RAB2A: variants seen among roughly 807,000 people sequenced by gnomAD.
RAB2A encodes RAB2A, member RAS oncogene family.
Under a neutral mutation model 32.5 loss-of-function variants are expected in RAB2A, and 7 were observed. The observed-to-expected ratio is 0.22, with a 90% CI of 0.12 to 0.40. The LOEUF is 0.40. RAB2A is among the 10% of genes least tolerant of loss of function. RAB2A has a pLI of 1.00. For synonymous variants in RAB2A, 79 were observed against 85.2 expected, an observed-to-expected ratio of 0.93 and a Z score of 0.40; for missense variants, 108 against 260.7, an observed-to-expected ratio of 0.41 and a Z score of 4.03.
intron 3 of RAB2A, 167 bp from the exon 4 acceptor site, chr8:60,584,041 A>G: frequency 3.5e-6 from 2 of 569,144 alleles, no homozygotes; most frequent in Non-Finnish European, 6.4e-6. Flanking sequence ...AGCAATCTTG[A>G]GCAATAGCGG....
chr8:60,554,248 C>T (rs1235704900), intron 1 of RAB2A, among the ~76,000 whole-genome samples: 2 of 152,240 alleles, frequency 1.3e-5, no homozygotes, highest in South Asian at 2.1e-4. Context: ...AGAACTAGAG[C>T]ACTGATGATT....
chr8:60,564,684 C>T (rs1808077091), intron 2 of RAB2A, among the ~76,000 whole-genome samples: 1 of 152,116 alleles, frequency 6.6e-6, no homozygotes, highest in African/African-American at 2.4e-5. Context: ...TACCCATATT[C>T]ATACCCATAC....
intron 1 of RAB2A, among the ~76,000 whole-genome samples, chr8:60,538,273 T>C (rs1807587613): frequency 6.6e-6 from 1 of 152,254 alleles, no homozygotes; most frequent in African/African-American, 2.4e-5. Context: ...ATTTAAATTC[T>C]ACCTATATTC....
chr8:60,523,193 T>C (rs563060717), intron 1 of RAB2A, among the ~76,000 whole-genome samples: 1 of 151,016 alleles, frequency 6.6e-6, no homozygotes, highest in South Asian at 2.1e-4. Context: ...ACAGTCTCGC[T>C]GTCACCCAGG....
intron 6 of RAB2A, among the ~76,000 whole-genome samples, chr8:60,611,991 G>A (rs943463014): frequency 6.6e-6 from 1 of 151,978 alleles, no homozygotes; most frequent in African/African-American, 2.4e-5. Flanking sequence ...TTTAAGTTCT[G>A]GGATACATGT....
chr8:60,522,223 G>A, intron 1 of RAB2A, among the ~76,000 whole-genome samples: 1 of 152,202 alleles, frequency 6.6e-6, no homozygotes, highest in Admixed American at 6.5e-5. Flanking sequence ...GTGGTTACCA[G>A]TGTCATGTGC....
intron 1 of RAB2A, among the ~76,000 whole-genome samples, chr8:60,554,521 C>A (rs539595596): frequency 5.3e-5 from 8 of 152,206 alleles, no homozygotes; most frequent in African/African-American, 1.9e-4. Context: ...AGAATGAATT[C>A]GGTTCCGTAA....
chr8:60,556,470 A>G (rs1807939995), intron 1 of RAB2A, among the ~76,000 whole-genome samples: 1 of 151,870 alleles, frequency 6.6e-6, no homozygotes, highest in Admixed American at 6.6e-5. Flanking sequence ...ATAAATAAGT[A>G]CAATTATATG....
chr8:60,607,030 TGTG>T (rs1227352894), intron 6 of RAB2A, among the ~76,000 whole-genome samples: 2 of 152,168 alleles, frequency 1.3e-5, no homozygotes, highest in Non-Finnish European at 2.9e-5. Flanking sequence ...TATTATATGT[TGTG>T]GTGGGTGCAT....
At chr8:60,582,648 G>A (rs1357127486) in intron 3 of RAB2A, among the ~76,000 whole-genome samples, 1 of 152,152 alleles carries the variant, frequency 6.6e-6, no homozygotes, top group Non-Finnish European at 1.5e-5. Flanking sequence ...AGCCTCCCAA[G>A]TAGCTGGGGG....
Position 60,618,661 on chromosome 8 carries a change from A to T in RAB2A, c.543+13A>T. ...CATTAATAATGAGGTATATACATAT[A>T]AATATTGTTGGTCAATATTAATTTA... On this transcript the variant is annotated intron_variant, in intron 7 of 7. Transcript: ENST00000262646. 1 of 993,726 alleles carries T rather than the reference A, an allele frequency of 1.0e-6. No individual in the cohort carries two copies. The highest frequency in any genetic ancestry group is 1.4e-6 in the Non-Finnish European group (1 of 739,054). 61.6% of individuals were successfully genotyped at this position (993,726 alleles called of 1,614,324 possible).
In RAB2A at chr8:60,601,877, T is replaced by A. The variant is rs887491485; in HGVS notation, c.474+9908T>A. On this transcript the variant is annotated intron_variant, in intron 6 of 7. Transcript: ENST00000262646. ...CTCACAATGAAGTTGATAGAGCTGGTGTTAAGCCTCATTTTATTTTGTTTT... is the reference window on the plus strand; with the variant it reads ...CTCACAATGAAGTTGATAGAGCTGGAGTTAAGCCTCATTTTATTTTGTTTT... 7.2e-5 allele frequency among the ~76,000 whole-genome samples: 11 copies of A among 152,192 alleles called. 1 individual carries two copies. Among genetic ancestry groups the A allele is most frequent in the African/African-American group, 2.7e-4 (11 of 41,450 alleles).
chr8:60,591,681 C>G lies in RAB2A; in HGVS notation c.363-177C>G, dbSNP rs1586102259. On this transcript the variant is annotated intron_variant, in intron 5 of 7. Transcript: ENST00000262646. ...CTGTTGGATTGTTAGTTCTTTGAAA[C>G]TAGACAGTGTGTTCTAAATACTAAC... The G allele has an allele frequency of 9.1e-6, 4 of 439,810 alleles. No homozygotes were observed. In the East Asian group the frequency reaches 1.4e-4, roughly 15 times the overall value. The allele number at this position is 439,810 out of a possible 1,614,324, so 27.2% of individuals were successfully genotyped here. A position where few individuals can be genotyped will look rare whatever the true frequency, so the allele number is the denominator to read the frequency against.
intron 6 of RAB2A, among the ~76,000 whole-genome samples, chr8:60,611,999 T>C (rs550992977): frequency 3.3e-5 from 5 of 152,318 alleles, no homozygotes; most frequent in African/African-American, 1.2e-4. Context: ...CTGGGATACA[T>C]GTGCTGAACA....
intron 6 of RAB2A, among the ~76,000 whole-genome samples, chr8:60,603,720 A>ATAT (rs1234643792): frequency 2.0e-5 from 3 of 152,150 alleles, no homozygotes; most frequent in Non-Finnish European, 4.4e-5. Context: ...TGGTGCTATG[A>ATAT]TATTATTATT....
chr8:60,517,778 C>T (rs1378049177), intron 1 of RAB2A, among the ~76,000 whole-genome samples: 1 of 151,928 alleles, frequency 6.6e-6, no homozygotes. Flanking sequence ...GAAAAGGAAA[C>T]CTTTAAAATA....
intron 2 of RAB2A, among the ~76,000 whole-genome samples, chr8:60,563,900 TC>T (rs1808064378): frequency 6.6e-6 from 1 of 152,192 alleles, no homozygotes; most frequent in Admixed American, 6.5e-5. Flanking sequence ...AGTTTTCTTG[TC>T]CCTCTCATGC....
At chr8:60,568,057 A>G (rs1362519343) in intron 2 of RAB2A, among the ~76,000 whole-genome samples, 1 of 152,224 alleles carries the variant, frequency 6.6e-6, no homozygotes, top group African/African-American at 2.4e-5. Flanking sequence ...AGAATTAGGA[A>G]AAATCAGGCC....
At chr8:60,618,543 G>A in intron 6 of RAB2A, 37 bp from the exon 7 acceptor site, 1 of 1,067,206 alleles carries the variant, frequency 9.4e-7, no homozygotes, top group South Asian at 1.9e-5. Context: ...TACTGCTTTG[G>A]TTTTATATAA....
Sources: allele counts gnomAD v4.1 joint callset (sites outside exome capture counted in the v4.1 genomes callset), GRCh38; gene constraint gnomAD v4.1.1; transcripts MANE v1.5; gene names NCBI Gene and HGNC (gene_info 2026-07-23, HGNC 2026-07-21).